ZNF521: variants seen among roughly 807,000 people sequenced by gnomAD.
ZNF521 encodes zinc finger protein 521.
A neutral mutation model predicts 105.5 loss-of-function variants in ZNF521; 14 were observed. That is an observed-to-expected ratio of 0.13 (90% CI 0.09 to 0.21). The LOEUF is 0.21. Among genes scored for constraint, ZNF521 ranks in the 10% least tolerant of loss-of-function variants. ZNF521 has a pLI of 1.00. For missense variants in ZNF521, 1,233 were observed against 1,629.7 expected (o/e 0.76, Z 4.19); for synonymous variants, 635 against 606.0 (o/e 1.05, Z -0.70).
chr18:25,350,013 G>A (rs938682171), intron 2 of ZNF521, among the ~76,000 whole-genome samples: 94 of 151,808 alleles, frequency 6.2e-4, no homozygotes, highest in Non-Finnish European at 1.1e-3. Context: ...TCGGAAGGAG[G>A]CTCGCGAAGG....
chr18:25,064,934 C>T lies in ZNF521; in HGVS notation c.3907-2193G>A, dbSNP rs532827752. Among the ~76,000 whole-genome samples the T allele has an allele frequency of 1.4e-4, 21 of 152,242 alleles. No individual in the cohort carries two copies. In the South Asian group the frequency reaches 4.1e-3, roughly 30 times the overall value. ...CAGGAAATAGCAAATTGTTTTTATG[C>T]CAGCTCTTTTATCTGTATATTGATT... On this transcript the variant is annotated intron_variant, in intron 7 of 7. Coordinates refer to ENST00000361524, the MANE Select transcript of ZNF521 (RefSeq NM_015461.3).
At chr18:25,185,723 T>C (rs755644280) in intron 5 of ZNF521, among the ~76,000 whole-genome samples, 27 of 152,032 alleles carry the variant, frequency 1.8e-4, no homozygotes, top group Non-Finnish European at 3.7e-4. Context: ...CAAAAGTGAA[T>C]TGACCTGTAA....
Position 25,256,870 on chromosome 18 carries a change from C to T in ZNF521, c.221-29173G>A, listed in dbSNP as rs117287253. ...AGGTGTAGAGCATCTCACAGAAGGA[C>T]AGGTGGTTAAATGGTCCAGATTTAT... is the stretch of plus-strand genomic sequence containing the variant. On this transcript the variant is annotated intron_variant, in intron 3 of 7. Transcript: ENST00000361524. Among the ~76,000 whole-genome samples, 1,270 of 151,958 alleles carry T rather than the reference C, an allele frequency of 8.4e-3. 9 individuals carry two copies. Among genetic ancestry groups the T allele is most frequent in the Non-Finnish European group, 0.013 (858 of 67,942 alleles).
intron 3 of ZNF521, among the ~76,000 whole-genome samples, chr18:25,233,339 T>A (rs939471852): frequency 1.1e-4 from 16 of 151,944 alleles, no homozygotes; most frequent in African/African-American, 3.6e-4. Flanking sequence ...ATGCTTCTTT[T>A]TAAAAAAAAA....
chr18:25,186,855 C>G (rs1390245267), intron 5 of ZNF521, among the ~76,000 whole-genome samples: 3 of 144,588 alleles, frequency 2.1e-5, no homozygotes, highest in African/African-American at 7.8e-5. Flanking sequence ...AAAACCTTGT[C>G]TAGTAGAAAT....
chr18:25,279,166 A>T (rs138657895), intron 3 of ZNF521, among the ~76,000 whole-genome samples: 1 of 152,222 alleles, frequency 6.6e-6, no homozygotes, highest in Non-Finnish European at 1.5e-5. Flanking sequence ...CAGGAGAGAG[A>T]GTGGCATTGT....
intron 3 of ZNF521, among the ~76,000 whole-genome samples, chr18:25,246,700 T>C (rs780249361): frequency 1.3e-5 from 2 of 152,236 alleles, no homozygotes; most frequent in African/African-American, 2.4e-5. Flanking sequence ...ATTGCTAATA[T>C]GTTACCTTAG....
intron 3 of ZNF521, among the ~76,000 whole-genome samples, chr18:25,303,248 A>C (rs1028071327): frequency 2.0e-5 from 3 of 151,774 alleles, no homozygotes; most frequent in African/African-American, 7.3e-5. Flanking sequence ...CTGTGAAAAA[A>C]AAAAGAAACT....
At chr18:25,069,191 A>T (rs1481308453) in intron 7 of ZNF521, among the ~76,000 whole-genome samples, 1 of 152,170 alleles carries the variant, frequency 6.6e-6, no homozygotes, top group Non-Finnish European at 1.5e-5. Flanking sequence ...CAAGATTTTT[A>T]CATTTCCATC....
chr18:25,301,242 G>A (rs891394540), intron 3 of ZNF521, among the ~76,000 whole-genome samples: 4 of 152,080 alleles, frequency 2.6e-5, no homozygotes, highest in South Asian at 2.1e-4. Context: ...ACAAGGACTC[G>A]GACCATGCAG....
intron 4 of ZNF521, among the ~76,000 whole-genome samples, chr18:25,221,315 G>T (rs1311931861): frequency 6.6e-6 from 1 of 152,068 alleles, no homozygotes; most frequent in Non-Finnish European, 1.5e-5. Context: ...TTTTTGGATT[G>T]CAGGGTTTTA....
chr18:25,219,927 C>T (rs374415987), intron 4 of ZNF521, among the ~76,000 whole-genome samples: 4 of 152,234 alleles, frequency 2.6e-5, no homozygotes, highest in Non-Finnish European at 1.5e-5. Flanking sequence ...CATGCAGTCA[C>T]GTAACCACCA....
chr18:25,331,205 C>A (rs535730520), intron 2 of ZNF521, among the ~76,000 whole-genome samples: 1 of 152,104 alleles, frequency 6.6e-6, no homozygotes, highest in Non-Finnish European at 1.5e-5. Flanking sequence ...TTAAACCGAG[C>A]CTCAAGGACT....
intron 3 of ZNF521, among the ~76,000 whole-genome samples, chr18:25,248,405 G>A (rs1347452318): frequency 6.6e-6 from 1 of 152,126 alleles, no homozygotes; most frequent in Non-Finnish European, 1.5e-5. Flanking sequence ...TGCCTCTCCT[G>A]GAAAAGACTT....
In ZNF521 at chr18:25,094,266, T is replaced by C. The variant is rs927664442; in HGVS notation, c.3659-2185A>G. On this transcript the variant is annotated intron_variant, in intron 5 of 7. Coordinates refer to ENST00000361524, the MANE Select transcript of ZNF521 (RefSeq NM_015461.3). ...ATCTTTCTTGACTATGAGTATTTTGTTTGGAAAAATAAGAGAAGGAAAAAT... is the reference window on the plus strand; with the variant it reads ...ATCTTTCTTGACTATGAGTATTTTGCTTGGAAAAATAAGAGAAGGAAAAAT... Among the ~76,000 whole-genome samples the C allele has an allele frequency of 2.0e-5, 3 of 152,238 alleles. No homozygotes were observed. In the South Asian group the frequency reaches 6.2e-4, roughly 32 times the overall value.
intron 2 of ZNF521, among the ~76,000 whole-genome samples, chr18:25,324,991 T>C (rs956519218): frequency 3.9e-5 from 6 of 152,210 alleles, no homozygotes; most frequent in Admixed American, 3.9e-4. Context: ...GGGACTGAAG[T>C]CAGTCAAGCT....
At chr18:25,282,811 CA>C (rs1455340284) in intron 3 of ZNF521, among the ~76,000 whole-genome samples, 1 of 151,706 alleles carries the variant, frequency 6.6e-6, no homozygotes, top group Non-Finnish European at 1.5e-5. Flanking sequence ...AAAAACAAAA[CA>C]AAAAAATCCA....
At chr18:25,301,379 A>G (rs568772907) in intron 3 of ZNF521, among the ~76,000 whole-genome samples, 2 of 152,348 alleles carry the variant, frequency 1.3e-5, no homozygotes, top group Admixed American at 1.3e-4. Flanking sequence ...GTGCTTGCCT[A>G]TATCAAAACA....
intron 3 of ZNF521, among the ~76,000 whole-genome samples, chr18:25,243,028 C>T (rs151205134): frequency 2.1e-3 from 325 of 152,322 alleles, no homozygotes; most frequent in African/African-American, 7.5e-3. Context: ...GTAACACTCC[C>T]TGACTCCCAA....
Sources: allele counts gnomAD v4.1 joint callset (sites outside exome capture counted in the v4.1 genomes callset), GRCh38; gene constraint gnomAD v4.1.1; transcripts MANE v1.5; gene names NCBI Gene and HGNC (gene_info 2026-07-23, HGNC 2026-07-21).